Variants in RRP12 observed in about 807,000 individuals in gnomAD.
RRP12 encodes ribosomal RNA processing 12 homolog.
Under a neutral mutation model 157.3 loss-of-function variants are expected in RRP12, and 78 were observed. The observed-to-expected ratio is 0.50, with a 90% confidence interval of 0.41 to 0.60. RRP12 has a LOEUF of 0.60. Ranked by LOEUF, RRP12 falls within the 20% of genes least tolerant of loss-of-function variation. The pLI, the probability that RRP12 is intolerant of heterozygous loss-of-function variation, is 0.00. For missense variants in RRP12, 1,521 were observed against 1,679.9 expected (o/e 0.91, Z 1.65); for synonymous variants, 726 against 670.9 (o/e 1.08, Z -1.27).
chr10:97,358,560 G>C lies in RRP12; in HGVS notation c.3768C>G (p.Leu1256=), dbSNP rs1843768258. ...ACCTGCGGTTGAGCTTGCTTCTGTT[G>C]AGGGGGATGTAGGCATAGGGATCCG... ...GRPDPYAYIP[L]NRSKLNRRKK... is the part of the protein sequence containing the mutation. Residue 1256 remains leucine, a synonymous_variant, in exon 33 of 34, where the codon CTC becomes CTG. Coordinates refer to ENST00000370992, the MANE Select transcript of RRP12 (RefSeq NM_015179.4). 6.2e-7 allele frequency: 1 copy of C among 1,613,824 alleles called. No individual in the cohort carries two copies. Among genetic ancestry groups the C allele is most frequent in the Non-Finnish European group, 8.5e-7 (1 of 1,179,912 alleles).
intron 29 of RRP12, among the ~76,000 whole-genome samples, chr10:97,365,269 G>T (rs1032264971): frequency 2.0e-5 from 3 of 146,752 alleles, no homozygotes; most frequent in Admixed American, 1.4e-4. Context: ...TGAAGACCTA[G>T]GTGTTTTTTT....
chr10:97,396,973 C>G (rs1283156147), intron 2 of RRP12, among the ~76,000 whole-genome samples: 2 of 151,956 alleles, frequency 1.3e-5, no homozygotes, highest in East Asian at 3.9e-4. Flanking sequence ...CCATGTTGAC[C>G]AAGCTGGTTT....
chr10:97,368,851 C>T lies in RRP12; in HGVS notation c.2955+574G>A, dbSNP rs147887827. Among the ~76,000 whole-genome samples the T allele has an allele frequency of 2.4e-4, 36 of 152,350 alleles. No individual in the cohort carries two copies. In the East Asian group the frequency reaches 6.4e-3, roughly 27 times the overall value. The stretch of plus-strand genomic sequence containing the variant: ...AGAGGGACCCAGAGGTCTGATGTGA[C>T]TCAAGCCAGTCACACATGGGAAACT... On this transcript the variant is annotated intron_variant, in intron 25 of 33. Coordinates refer to ENST00000370992, the MANE Select transcript of RRP12 (RefSeq NM_015179.4).
In RRP12 at chr10:97,369,527, C is replaced by A; in HGVS notation, c.2853G>T (p.Leu951=). The A allele has an allele frequency of 6.3e-7, 1 of 1,592,614 alleles. No individual in the cohort carries two copies. The highest frequency in any genetic ancestry group is 8.6e-7 in the Non-Finnish European group (1 of 1,169,550). Residue 951 remains leucine, a synonymous_variant, in exon 25 of 34, where the codon CTG becomes CTT. Coordinates refer to ENST00000370992, the MANE Select transcript of RRP12 (RefSeq NM_015179.4). The part of the protein sequence containing the change: ...EQLLENVCLL[L]ASRTRDVVKS... ...TGACCACGTCACGGGTGCGGGAGGC[C>A]AGAAGCAGGCACACATTCTCCAGCA...
intron 1 of RRP12, among the ~76,000 whole-genome samples, chr10:97,400,827 G>C (rs1331692707): frequency 6.6e-6 from 1 of 152,184 alleles, no homozygotes; most frequent in Non-Finnish European, 1.5e-5. Context: ...AACGCGCTCT[G>C]TAAAGAGCTA....
rs774176253 is a variant in RRP12 at position 97,400,369 on chromosome 10, C to T, written c.305G>A (p.Cys102Tyr). ...TACTTTGCTGAAGGTGACGTTTGTGCAGTCGGAAAGGCCACTCAGGAAGGT... is the reference window on the plus strand; with the variant it reads ...TACTTTGCTGAAGGTGACGTTTGTGTAGTCGGAAAGGCCACTCAGGAAGGT... ...SGTFLSGLSD[C>Y]TNVTFSKVQR... The change falls in exon 2 of 34, where the codon TGC (cysteine) becomes TAC (tyrosine). Residue 102 changes from cysteine (C) to tyrosine (Y), a missense_variant. Physicochemically the swap from Cys to Tyr is radical, Grantham distance 194 (BLOSUM62 -2). Transcript: ENST00000370992. 1 of 1,613,778 alleles carries T rather than the reference C, an allele frequency of 6.2e-7. No homozygotes were observed. The highest frequency in any genetic ancestry group is 1.1e-5 in the South Asian group (1 of 91,058).
chr10:97,372,468 T>C (rs1844183794), intron 19 of RRP12, among the ~76,000 whole-genome samples: 1 of 152,150 alleles, frequency 6.6e-6, no homozygotes, highest in Non-Finnish European at 1.5e-5. Context: ...GATAAGTAAT[T>C]TGTCCAAGGT....
At chr10:97,359,755 C>A (rs549644350) in intron 31 of RRP12, among the ~76,000 whole-genome samples, 138 of 152,330 alleles carry the variant, frequency 9.1e-4, no homozygotes, top group Non-Finnish European at 4.6e-4. Flanking sequence ...GCAGCCCTGA[C>A]CCCAGGTCTC....
chr10:97,366,584 C>A lies in RRP12; in HGVS notation c.3253G>T (p.Asp1085Tyr). 6.2e-7 allele frequency: 1 copy of A among 1,613,922 alleles called. No homozygotes were observed. Among genetic ancestry groups the A allele is most frequent in the South Asian group, 1.1e-5 (1 of 91,050 alleles). The change falls in exon 28 of 34, where the codon GAC (aspartate) becomes TAC (tyrosine). Residue 1085 changes from aspartate to tyrosine, a missense_variant. Physicochemically the swap from Asp to Tyr is radical, Grantham distance 160. Transcript: ENST00000370992. ...CGGCTTCTTTCCTCCTCCTCATTGT[C>A]CTCCTCGTCCTCTGAGTCAGCTAAA... ...EILADSEDEE[D>Y]NEEEERSRGK...
intron 30 of RRP12, among the ~76,000 whole-genome samples, chr10:97,363,052 G>A (rs1166561828): frequency 6.6e-6 from 1 of 152,206 alleles, no homozygotes; most frequent in Non-Finnish European, 1.5e-5. Flanking sequence ...AAAAGGTTAG[G>A]CTGAAGCCAA....
At chr10:97,388,771 G>A (rs1844712232) in intron 6 of RRP12, 147 bp from the exon 7 acceptor site, 1 of 951,552 alleles carries the variant, frequency 1.1e-6, no homozygotes, top group Admixed American at 2.8e-5. Flanking sequence ...CTACACCAGG[G>A]CCTTCATGTG....
chr10:97,373,193 G>A lies in RRP12; in HGVS notation c.2034C>T (p.Asp678=), dbSNP rs768273572. The change falls in exon 18 of 34, where the codon GAC becomes GAT. Residue 678 remains aspartate, a synonymous_variant. Transcript: ENST00000370992. ...TGGCAAAGCGACTCACTTCAGCACG[G>A]TCAGCCTCTGGTAAAAGGATCAAAG... is the stretch of plus-strand genomic sequence containing the variant. ...LITKGCQAEA[D]RAEVSRFAKN... is the part of the protein sequence containing the mutation. 2 of 1,613,996 alleles carry A rather than the reference G, an allele frequency of 1.2e-6. No homozygotes were observed. Among genetic ancestry groups the A allele is most frequent in the African/African-American group, 2.7e-5 (2 of 74,934 alleles).
rs1330830186 is a variant in RRP12, at chr10:97,388,286, T to C, written c.983A>G (p.Glu328Gly). 6.2e-7 allele frequency: 1 copy of C among 1,614,056 alleles called. No individual in the cohort carries two copies. The highest frequency in any genetic ancestry group is 1.1e-5 in the South Asian group (1 of 91,086). The change falls in exon 8 of 34, where the codon GAG becomes GGG. Residue 328 changes from glutamate (E) to glycine (G), a missense_variant. By Grantham distance (98) the Glu-to-Gly change is moderately conservative. Coordinates refer to ENST00000370992, the MANE Select transcript of RRP12 (RefSeq NM_015179.4). ...FPEGLVKSCS[E>G]TLLRVMTLSH... ...CAAGGTCATGACCCTGAGGAGAGTC[T>C]CACTGCAGCTCTTCACCAGGCCTTC...
chr10:97,370,585 T>G, intron 22 of RRP12, 25 bp from the exon 23 acceptor site: 1 of 1,600,880 alleles, frequency 6.2e-7, no homozygotes. Flanking sequence ...TCCATCAGCA[T>G]CTGCTCCCTG....
At chr10:97,388,753 A>C (rs1844711687) in intron 6 of RRP12, 129 bp from the exon 7 acceptor site, 1 of 1,133,832 alleles carries the variant, frequency 8.8e-7, no homozygotes, top group African/African-American at 1.6e-5. Context: ...ACTACTATAG[A>C]TCCAGTGCTA....
At position 97,372,130 on chromosome 10, in the gene RRP12, C is replaced by T. The variant is rs138207678; in HGVS notation, c.2286G>A (p.Pro762=). 1.5e-5 allele frequency: 24 copies of T among 1,613,522 alleles called. No individual in the cohort carries two copies. Among genetic ancestry groups the T allele is most frequent in the Admixed American group, 3.3e-5 (2 of 59,986 alleles). ...TACTGATGGCAGCTTCGTCAGCACACGGAGCCAAGGCCACGACCAGGTCCA... is the reference window on the plus strand; with the variant it reads ...TACTGATGGCAGCTTCGTCAGCACATGGAGCCAAGGCCACGACCAGGTCCA... ...SVLDLVVALA[P]CADEAAISKL... Residue 762 remains proline, a synonymous_variant, in exon 20 of 34, where the codon CCG becomes CCA. Transcript: ENST00000370992.
intron 2 of RRP12, among the ~76,000 whole-genome samples, chr10:97,397,277 C>T (rs1211307565): frequency 6.6e-6 from 1 of 152,084 alleles, no homozygotes; most frequent in Non-Finnish European, 1.5e-5. Context: ...TCTCCTGCCT[C>T]AGCCTCCTGA....
chr10:97,372,880 G>C, intron 18 of RRP12, 77 bp from the exon 19 acceptor site: 2 of 1,472,396 alleles, frequency 1.4e-6, no homozygotes, highest in South Asian at 1.2e-5. Context: ...AGCAGTCCCA[G>C]AGCGGCCTCC....
At chr10:97,390,398 T>C (rs752938294) in intron 6 of RRP12, 25 bp downstream of exon 6, 9 of 1,574,844 alleles carry the variant, frequency 5.7e-6, no homozygotes, top group South Asian at 3.3e-5. Flanking sequence ...CCTTGCCCCA[T>C]TTTCTAGGGA....
Sources: gnomAD v4.1 joint callset for allele counts (sites outside exome capture counted in the v4.1 genomes callset) on GRCh38, gnomAD v4.1.1 for gene constraint, MANE v1.5 for transcripts, NCBI Gene and HGNC (gene_info 2026-07-23, HGNC 2026-07-21) for gene names.